Variants in STARD9 observed in about 807,000 individuals in gnomAD.
STARD9 encodes StAR related lipid transfer domain containing 9, also known as stAR-related lipid transfer protein 9.
STARD9 carries 346 observed loss-of-function variants against 399.8 expected under a neutral mutation model. The observed-to-expected ratio is 0.87, with a 90% CI of 0.79 to 0.95. STARD9 has a LOEUF of 0.95. STARD9 is among the 40% of genes least tolerant of loss of function. The probability of loss-of-function intolerance (pLI) is 0.00; values close to 1 mark genes in which losing one functional copy is unlikely to be tolerated. For missense variants in STARD9, 5,832 were observed against 5,667.5 expected (o/e 1.03, Z -0.93); for synonymous variants, 2,203 against 2,143.5 (o/e 1.03, Z -0.77).
chr15:42,600,624 C>T (rs1306778411), intron 3 of STARD9, among the ~76,000 whole-genome samples: 1 of 151,184 alleles, frequency 6.6e-6, no homozygotes, highest in Non-Finnish European at 1.5e-5. Context: ...CTCCCGGGTT[C>T]AAGCGGTTCT....
chr15:42,686,804 AC>A lies in STARD9; in HGVS notation c.5227del (p.Leu1743SerfsTer7). ...CATTGTCATCTTCCCTGCAGCCCCC[AC>A]TCTTGGAAACATTCTATGTGACCAA... is the stretch of plus-strand genomic sequence containing the variant. ...NPLSSSLQPP[L>X]LETFYVTKSR... On this transcript the variant is annotated frameshift_variant, in exon 23 of 33. Coordinates refer to ENST00000290607, the MANE Select transcript of STARD9 (RefSeq NM_020759.3). LOFTEE classifies it high-confidence loss of function. 6.5e-7 allele frequency: 1 copy of A among 1,536,752 alleles called. No homozygotes were observed. The highest frequency in any genetic ancestry group is 8.7e-7 in the Non-Finnish European group (1 of 1,146,820).
chr15:42,650,998 G>T lies in STARD9; in HGVS notation c.560-18G>T, dbSNP rs557360150. 1 of 1,485,144 alleles carries T rather than the reference G, an allele frequency of 6.7e-7. No individual in the cohort carries two copies. The allele number at this position is 1,485,144 out of a possible 1,614,324, so 92.0% of individuals were successfully genotyped here. ...AAATCTCATTTAATTTCTTTTTTCCGTTTCACAAATCCGATAGGTTTATCT... is the reference window on the plus strand; with the variant it reads ...AAATCTCATTTAATTTCTTTTTTCCTTTTCACAAATCCGATAGGTTTATCT... On this transcript the variant is annotated intron_variant, in intron 7 of 32. Transcript: ENST00000290607.
intron 7 of STARD9, among the ~76,000 whole-genome samples, chr15:42,641,491 A>G (rs1418972619): frequency 6.6e-6 from 1 of 150,648 alleles, no homozygotes; most frequent in African/African-American, 2.4e-5. Flanking sequence ...CATCGGGTAT[A>G]TCTCCTAATG....
intron 1 of STARD9, chr15:42,581,347 C>T (rs1248674209): frequency 7.0e-7 from 1 of 1,426,460 alleles, no homozygotes; most frequent in East Asian, 2.3e-5. Context: ...TGAGTTTCTC[C>T]TGGTGTGGTG....
intron 3 of STARD9, among the ~76,000 whole-genome samples, chr15:42,624,772 C>T (rs140183846): frequency 6.6e-6 from 1 of 152,008 alleles, no homozygotes; most frequent in Non-Finnish European, 1.5e-5. Flanking sequence ...TGGTCTCGAA[C>T]TCCTGACCTC....
intron 3 of STARD9, among the ~76,000 whole-genome samples, chr15:42,586,400 G>C (rs780397738): frequency 6.6e-6 from 1 of 152,206 alleles, no homozygotes; most frequent in East Asian, 1.9e-4. Flanking sequence ...TTGTGGTTCT[G>C]CTTAGCTCTC....
chr15:42,639,301 A>G (rs1202747121), intron 7 of STARD9, among the ~76,000 whole-genome samples: 1 of 152,056 alleles, frequency 6.6e-6, no homozygotes, highest in East Asian at 1.9e-4. Flanking sequence ...GAGAGGGAAA[A>G]CTGTAGGGAA....
Position 42,682,470 on chromosome 15 carries a change from G to C in STARD9, c.2432G>C (p.Ser811Thr). ...STQEPPYQVL[S>T]PDATVPRPPC... is the part of the protein sequence containing the mutation. ...CAGGAGCCCCCATACCAGGTCCTCA[G>C]CCCTGATGCCACAGTCCCACGGCCT... The change falls in exon 22 of 33, where the codon AGC becomes ACC. Residue 811 changes from serine to threonine, a missense_variant. This residue lies in a region of STARD9 where 5,828 missense variants were observed against 5,651.1 expected (regional missense o/e 1.03). Transcript: ENST00000290607. The C allele has an allele frequency of 6.5e-7, 1 of 1,537,182 alleles. No homozygotes were observed. The highest frequency in any genetic ancestry group is 8.7e-7 in the Non-Finnish European group (1 of 1,146,884).
Position 42,692,779 on chromosome 15 carries a change from A to AGGGC in STARD9, c.11202_11205dup (p.Ser3736GlyfsTer5), listed in dbSNP as rs1270162634. ...GGCTCTACTCAGACCACTGTGGATG[A>AGGGC]GGGCAGCCAGACTGACCTCACCTTA... On this transcript the variant is annotated frameshift_variant, in exon 23 of 33. Transcript: ENST00000290607. LOFTEE classifies it high-confidence loss of function. The AGGGC allele has an allele frequency of 1.3e-6, 2 of 1,537,042 alleles. No homozygotes were observed. Among genetic ancestry groups the AGGGC allele is most frequent in the Non-Finnish European group, 1.7e-6 (2 of 1,146,914 alleles).
intron 20 of STARD9, among the ~76,000 whole-genome samples, chr15:42,679,490 A>G (rs1027747746): frequency 6.6e-6 from 1 of 152,158 alleles, no homozygotes; most frequent in Non-Finnish European, 1.5e-5. Flanking sequence ...GAATGACCTC[A>G]TAGCCTTCTT....
Position 42,685,714 on chromosome 15 carries a change from A to G in STARD9, c.4136A>G (p.Asn1379Ser). Reference sequence around the variant, plus strand: ...GGGGAGAGGCCTGGATACTGGCCAAATACTGAGGAACTAAAGCCATCAGAT... The same window carrying G: ...GGGGAGAGGCCTGGATACTGGCCAAGTACTGAGGAACTAAAGCCATCAGAT... ...CKGERPGYWPNTEELKPSDAE... is the reference protein window; with the variant it reads ...CKGERPGYWPSTEELKPSDAE... The change falls in exon 23 of 33, where the codon AAT (asparagine) becomes AGT (serine). Residue 1379 changes from asparagine (N) to serine (S), a missense_variant. Transcript: ENST00000290607. 6.5e-7 allele frequency: 1 copy of G among 1,537,446 alleles called. No homozygotes were observed. Among genetic ancestry groups the G allele is most frequent in the South Asian group, 1.2e-5 (1 of 84,064 alleles).
At chr15:42,616,847 C>T (rs1290126197) in intron 3 of STARD9, among the ~76,000 whole-genome samples, 3 of 146,286 alleles carry the variant, frequency 2.1e-5, no homozygotes, top group African/African-American at 5.1e-5. Context: ...GCTGAGATCG[C>T]GTCACTGCAC....
intron 3 of STARD9, among the ~76,000 whole-genome samples, chr15:42,604,809 A>G (rs896618161): frequency 2.0e-5 from 3 of 151,562 alleles, no homozygotes; most frequent in Admixed American, 1.3e-4. Context: ...ACACCTGGCT[A>G]ATTTTTTATT....
intron 7 of STARD9, among the ~76,000 whole-genome samples, chr15:42,646,705 G>A (rs191851416): frequency 3.5e-4 from 53 of 152,332 alleles, no homozygotes; most frequent in African/African-American, 1.2e-3. Flanking sequence ...TGTGTTCACG[G>A]AGTAGCACTT....
chr15:42,697,500 G>C (rs1021938673), intron 26 of STARD9, among the ~76,000 whole-genome samples: 1 of 151,958 alleles, frequency 6.6e-6, no homozygotes, highest in Non-Finnish European at 1.5e-5. Flanking sequence ...AGTAGAAAGG[G>C]CACAAATATA....
chr15:42,718,872 G>T lies in STARD9; in HGVS notation c.13963G>T (p.Glu4655Ter), dbSNP rs2061399769. 2 of 1,537,090 alleles carry T rather than the reference G, an allele frequency of 1.3e-6. No homozygotes were observed. Among genetic ancestry groups the T allele is most frequent in the Admixed American group, 3.9e-5 (2 of 50,974 alleles). ...CTGGATCTTGCAGCCCATCACTGTG[G>T]AAGGGAAGGAAGTCACCAGAGTCAT... The part of the protein sequence containing the change: ...SAWILQPITV[E>*]GKEVTRVIYL... Residue 4655 changes from glutamate (E) to a stop codon, truncating the protein, a stop_gained, in exon 32 of 33, where the codon GAA becomes TAA. Transcript: ENST00000290607. LOFTEE classifies it high-confidence loss of function.
intron 3 of STARD9, among the ~76,000 whole-genome samples, chr15:42,588,960 G>A (rs889634961): frequency 3.3e-5 from 5 of 151,670 alleles, no homozygotes; most frequent in South Asian, 2.1e-4. Flanking sequence ...GACTACAAGC[G>A]TGTGCCACCA....
chr15:42,669,571 A>G (rs1244075840), intron 16 of STARD9: 1 of 383,762 alleles, frequency 2.6e-6, no homozygotes, highest in Non-Finnish European at 4.7e-6. Context: ...AACTGCTGCT[A>G]CTGTTGTTCT....
chr15:42,710,039 C>A (rs2061176430), intron 26 of STARD9, among the ~76,000 whole-genome samples: 1 of 149,224 alleles, frequency 6.7e-6, no homozygotes, highest in African/African-American at 2.5e-5. Flanking sequence ...GGTCTTGTGT[C>A]CTTTTGACAT....
Sources: gnomAD v4.1 joint callset for allele counts (sites outside exome capture counted in the v4.1 genomes callset) on GRCh38, gnomAD v4.1.1 for gene constraint, gnomAD v4.1.1 regional missense constraint, MANE v1.5 for transcripts, NCBI Gene and HGNC (gene_info 2026-07-23, HGNC 2026-07-21) for gene names.